AK8: variants seen among roughly 807,000 people sequenced by gnomAD.
The protein encoded by AK8 is ATP-AMP transphosphorylase 8.
In AK8, 44 loss-of-function variants were observed where a neutral mutation model predicts 54.6. That is an observed-to-expected ratio of 0.81 (90% CI 0.63 to 1.04). The LOEUF is 1.04. Among genes scored for constraint, AK8 ranks in the 50% least tolerant of loss-of-function variants. The probability of loss-of-function intolerance (pLI) is 0.00; values close to 1 mark genes in which losing one functional copy is unlikely to be tolerated. For missense variants in AK8, 555 were observed against 613.6 expected (o/e 0.90, Z 1.01); for synonymous variants, 239 against 245.6 (o/e 0.97, Z 0.25).
At chr9:132,852,830 T>C (rs1011979972) in intron 5 of AK8, among the ~76,000 whole-genome samples, 4 of 139,946 alleles carry the variant, frequency 2.9e-5, no homozygotes, top group Non-Finnish European at 4.6e-5. Context: ...AAAAAAAGAC[T>C]GGAGCCTCAG....
chr9:132,752,694 G>T (rs1394570475), intron 11 of AK8, among the ~76,000 whole-genome samples: 2 of 93,360 alleles, frequency 2.1e-5, no homozygotes. Context: ...GGCTGTCCCT[G>T]GCCCAGGACA....
intron 6 of AK8, among the ~76,000 whole-genome samples, chr9:132,828,348 A>C (rs1457624409): frequency 2.0e-5 from 3 of 152,248 alleles, no homozygotes; most frequent in African/African-American, 7.2e-5. Context: ...ATAACGCCAC[A>C]ATGGGCATCT....
rs757022994 is a variant in AK8, at chr9:132,793,761, CTG to C, written c.980-988_980-987del. 3.9e-5 allele frequency among the ~76,000 whole-genome samples: 6 copies of C among 152,342 alleles called. No homozygotes were observed. In the East Asian group the frequency reaches 5.8e-4, roughly 15 times the overall value. On this transcript the variant is annotated intron_variant, in intron 10 of 12. Coordinates refer to ENST00000298545, the MANE Select transcript of AK8 (RefSeq NM_152572.3). ...ATGTACTGCGTTCTAGCAATTTGCACTGTGTTTCCTGCACTTTGCACTCATTT... is the reference window on the plus strand; with the variant it reads ...ATGTACTGCGTTCTAGCAATTTGCACTGTTTCCTGCACTTTGCACTCATTT...
chr9:132,833,098 C>T (rs1842173427), intron 5 of AK8, among the ~76,000 whole-genome samples: 1 of 152,216 alleles, frequency 6.6e-6, no homozygotes, highest in Admixed American at 6.5e-5. Context: ...CCACACTGGT[C>T]CACCTGGAAG....
intron 6 of AK8, among the ~76,000 whole-genome samples, chr9:132,828,395 AT>A (rs1342418115): frequency 2.0e-5 from 3 of 152,248 alleles, no homozygotes; most frequent in Non-Finnish European, 4.4e-5. Context: ...ATTCTATGCT[AT>A]GCATAGAATA....
chr9:132,861,669 A>T (rs1843393936), intron 4 of AK8: 1 of 152,264 alleles, frequency 6.6e-6, no homozygotes, highest in South Asian at 2.1e-4. Context: ...AGCTAAGACT[A>T]GCAGGAGAAA....
chr9:132,778,520 A>G (rs1839324010), intron 11 of AK8, among the ~76,000 whole-genome samples: 1 of 152,214 alleles, frequency 6.6e-6, no homozygotes, highest in South Asian at 2.1e-4. Flanking sequence ...AACCCTCTCT[A>G]CTTTGCATTT....
intron 5 of AK8, among the ~76,000 whole-genome samples, chr9:132,834,175 C>A (rs564628611): frequency 1.8e-4 from 28 of 152,346 alleles, no homozygotes; most frequent in Middle Eastern, 3.4e-3. Flanking sequence ...GCAGGCTGAA[C>A]GCGGCCTAAT....
chr9:132,790,492 C>T lies in AK8; in HGVS notation c.1121+2142G>A, dbSNP rs568296766. On this transcript the variant is annotated intron_variant, in intron 11 of 12. Coordinates refer to ENST00000298545, the MANE Select transcript of AK8 (RefSeq NM_152572.3). This position sits in a 1 kb window ranked among gnomAD's most constrained non-coding sequence, Gnocchi z 4.1. Reference sequence around the variant, plus strand: ...GTCTCGATCTCCTGACCTCATGATCCACCCACCTCGGCCTCCCAAAGTGCT... The same window carrying T: ...GTCTCGATCTCCTGACCTCATGATCTACCCACCTCGGCCTCCCAAAGTGCT... 1.4e-4 allele frequency among the ~76,000 whole-genome samples: 21 copies of T among 152,256 alleles called. No individual in the cohort carries two copies. In the East Asian group the frequency reaches 4.1e-3, roughly 29 times the overall value.
chr9:132,830,270 T>C (rs145852430), intron 5 of AK8, among the ~76,000 whole-genome samples: 7 of 152,376 alleles, frequency 4.6e-5, no homozygotes, highest in African/African-American at 1.4e-4. Flanking sequence ...ATGTTGTATA[T>C]GCATCTCGAT....
intron 5 of AK8, among the ~76,000 whole-genome samples, chr9:132,838,640 G>C (rs1213753463): frequency 2.0e-5 from 3 of 152,202 alleles, no homozygotes; most frequent in Non-Finnish European, 2.9e-5. Context: ...TTTCTAGAAG[G>C]TCAGTTTTTC....
intron 8 of AK8, among the ~76,000 whole-genome samples, chr9:132,825,340 ACACT>A (rs1841828861): frequency 1.3e-5 from 2 of 152,186 alleles, no homozygotes; most frequent in South Asian, 2.1e-4. Context: ...TAATATTCAG[ACACT>A]CACATTTTTA....
intron 9 of AK8, among the ~76,000 whole-genome samples, chr9:132,816,761 CAT>C (rs1332174335): frequency 2.0e-5 from 3 of 152,198 alleles, no homozygotes; most frequent in Non-Finnish European, 2.9e-5. Flanking sequence ...AAACGAGCCC[CAT>C]AGTCATCCTG....
intron 10 of AK8, among the ~76,000 whole-genome samples, chr9:132,811,604 T>C (rs1841010906): frequency 6.6e-6 from 1 of 152,190 alleles, no homozygotes; most frequent in African/African-American, 2.4e-5. Context: ...TTCTAAACCA[T>C]GACATTTGTT....
At chr9:132,789,293 CA>C (rs1042306519) in intron 11 of AK8, among the ~76,000 whole-genome samples, 1 of 145,120 alleles carries the variant, frequency 6.9e-6, no homozygotes, top group African/African-American at 2.5e-5. Context: ...GACTCTGTCT[CA>C]AAAAAAAAGA....
chr9:132,835,202 A>T (rs1009755077), intron 5 of AK8, among the ~76,000 whole-genome samples: 2 of 152,204 alleles, frequency 1.3e-5, no homozygotes, highest in Non-Finnish European at 1.5e-5. Context: ...CTAAATAGTT[A>T]AAAAAAATTT....
At chr9:132,760,187 A>AT (rs747942992) in intron 11 of AK8, among the ~76,000 whole-genome samples, 2,150 of 144,866 alleles carry the variant, frequency 0.015, 48 homozygotes, top group African/African-American at 0.046. Context: ...TACGTTGTTA[A>AT]TTTTTTTTTT....
In AK8 at chr9:132,863,702, G is replaced by A. The variant is rs189867128; in HGVS notation, c.296C>T (p.Thr99Met). The A allele has an allele frequency of 2.1e-4, 337 of 1,614,022 alleles. No homozygotes were observed. The highest frequency in any genetic ancestry group is 2.4e-4 in the Non-Finnish European group (287 of 1,179,966). ...ENLILNEFSY[T>M]ATEARRLYLQ... The stretch of plus-strand genomic sequence containing the variant: ...ATAAAGCCTTCTGGCTTCGGTGGCC[G>A]TATAGGAAAACTCATTTAAGATCAG... The change falls in exon 4 of 13, where the codon ACG (threonine) becomes ATG (methionine). Residue 99 changes from threonine (T) to methionine (M), a missense_variant. Thr to Met is a moderately conservative substitution (Grantham distance 81). Coordinates refer to ENST00000298545, the MANE Select transcript of AK8 (RefSeq NM_152572.3).
chr9:132,815,534 C>T (rs1294068572), intron 9 of AK8, among the ~76,000 whole-genome samples: 9 of 150,868 alleles, frequency 6.0e-5, no homozygotes, highest in Non-Finnish European at 1.3e-4. Flanking sequence ...GTCTGGGCAA[C>T]AGAGCAAGAC....
Sources: allele counts gnomAD v4.1 joint callset (sites outside exome capture counted in the v4.1 genomes callset), GRCh38; gene constraint gnomAD v4.1.1; non-coding constraint Gnocchi (gnomAD v3.1); transcripts MANE v1.5; gene names NCBI Gene and HGNC (gene_info 2026-07-23, HGNC 2026-07-21).